TMEM9: variants seen among roughly 807,000 people sequenced by gnomAD.
The protein encoded by TMEM9 is proton-transporting V-type ATPase complex assembly regulator TMEM9.
In TMEM9, 13 loss-of-function variants were observed where a neutral mutation model predicts 22.8. That is an observed-to-expected ratio of 0.57 (90% confidence interval 0.37 to 0.91). The LOEUF is 0.91. Among genes scored for constraint, TMEM9 ranks in the 40% least tolerant of loss-of-function variants. The pLI is 0.01. For missense variants in TMEM9, 182 were observed against 238.1 expected (o/e 0.76, Z 1.55); for synonymous variants, 88 against 93.0 (o/e 0.95, Z 0.31).
chr1:201,165,856 C>T (rs1485165194), intron 1 of TMEM9, among the ~76,000 whole-genome samples: 2 of 152,108 alleles, frequency 1.3e-5, no homozygotes, highest in African/African-American at 4.8e-5. Context: ...GCATGGAGTC[C>T]TAATTAGGGA....
chr1:201,156,084 G>C (rs576834414), upstream of TMEM9, among the ~76,000 whole-genome samples: 18 of 152,186 alleles, frequency 1.2e-4, no homozygotes, highest in Non-Finnish European at 2.2e-4. Context: ...AAAAGCATGG[G>C]GCTGAGTCTG....
chr1:201,157,739 G>T (rs553392920), upstream of TMEM9, among the ~76,000 whole-genome samples: 1 of 152,306 alleles, frequency 6.6e-6, no homozygotes, highest in East Asian at 1.9e-4. Flanking sequence ...GACAATTCAG[G>T]GTGGTAAGAG....
intron 4 of TMEM9, among the ~76,000 whole-genome samples, chr1:201,141,811 G>A (rs570925847): frequency 1.3e-5 from 2 of 152,246 alleles, no homozygotes; most frequent in Admixed American, 6.5e-5. Context: ...GGGGGTAAGA[G>A]AGACCTGGGT....
chr1:201,135,820 AGTGGG>A lies in TMEM9; in HGVS notation c.400-10_400-6del, dbSNP rs1227789114. On this transcript the variant is annotated splice_polypyrimidine_tract_variant and splice_region_variant and intron_variant, in intron 4 of 4. Coordinates refer to ENST00000367330, the MANE Select transcript of TMEM9 (RefSeq NM_001288565.2). ...TGCTGCCATAGAGCGAGCATCCTGT[AGTGGG>A]AAGAAAAAAAGAGAAGATCTGGCAC... 7 of 1,589,674 alleles carry A rather than the reference AGTGGG, an allele frequency of 4.4e-6. No individual in the cohort carries two copies. Among genetic ancestry groups the A allele is most frequent in the Admixed American group, 3.6e-5 (2 of 55,446 alleles).
At chr1:201,146,980 C>A (rs916942283) in intron 2 of TMEM9, 132 bp from the exon 3 acceptor site, 26 of 734,224 alleles carry the variant, frequency 3.5e-5, no homozygotes, top group African/African-American at 3.5e-4. Flanking sequence ...CCAGAGAGGG[C>A]CAAGGGCTTA....
At chr1:201,139,090 C>A (rs1177642017) in intron 4 of TMEM9, among the ~76,000 whole-genome samples, 4 of 152,214 alleles carry the variant, frequency 2.6e-5, no homozygotes, top group Non-Finnish European at 5.9e-5. Flanking sequence ...GCCCTTCAGG[C>A]CGTCCCAGAT....
chr1:201,142,256 C>T (rs992171121), intron 4 of TMEM9, among the ~76,000 whole-genome samples: 1 of 152,200 alleles, frequency 6.6e-6, no homozygotes, highest in Non-Finnish European at 1.5e-5. Context: ...ACACAGCCCT[C>T]GAGAGCAGCC....
chr1:201,150,275 G>T (rs1665318855), intron 2 of TMEM9, among the ~76,000 whole-genome samples: 1 of 152,204 alleles, frequency 6.6e-6, no homozygotes, highest in South Asian at 2.1e-4. Flanking sequence ...TAAGTAGAAG[G>T]CTAGTGCTTC....
At chr1:201,155,391 A>T (rs1665757454), upstream of TMEM9, among the ~76,000 whole-genome samples, 1 of 152,158 alleles carries the variant, frequency 6.6e-6, no homozygotes, top group Admixed American at 6.5e-5. Flanking sequence ...GGATTAGCAT[A>T]GGGGCTGGGT....
At position 201,142,296 on chromosome 1, in the gene TMEM9, C is replaced by T. The variant is rs140867480; in HGVS notation, c.399+1524G>A. ...TCCCTCCCTGATCTGCCCTTCTCTTCGCTGTTCATGCTGGCCCAGACCCAC... is the reference window on the plus strand; with the variant it reads ...TCCCTCCCTGATCTGCCCTTCTCTTTGCTGTTCATGCTGGCCCAGACCCAC... On this transcript the variant is annotated intron_variant, in intron 4 of 4. Transcript: ENST00000367330. 3.9e-3 allele frequency among the ~76,000 whole-genome samples: 594 copies of T among 152,342 alleles called. 3 individuals carry two copies. Among genetic ancestry groups the T allele is most frequent in the Middle Eastern group, 0.014 (4 of 294 alleles).
intron 4 of TMEM9, among the ~76,000 whole-genome samples, chr1:201,136,646 C>T (rs568381447): frequency 2.6e-5 from 4 of 152,316 alleles, no homozygotes; most frequent in African/African-American, 9.6e-5. Context: ...AGAACTGTTG[C>T]TGCCGTCAAA....
At chr1:201,158,178 G>A (rs566236248), upstream of TMEM9, among the ~76,000 whole-genome samples, 37 of 152,278 alleles carry the variant, frequency 2.4e-4, no homozygotes, top group African/African-American at 8.9e-4. Flanking sequence ...GCTGGTCAAG[G>A]CCAGCCAATG....
chr1:201,136,771 C>A (rs751679097), intron 4 of TMEM9, among the ~76,000 whole-genome samples: 8 of 152,212 alleles, frequency 5.3e-5, no homozygotes, highest in Non-Finnish European at 1.0e-4. Context: ...CAGGCCCACA[C>A]CCCCGTGGGG....
At chr1:201,153,789 G>A (rs1363992886) in intron 1 of TMEM9, 69 bp downstream of exon 1, 2 of 1,604,956 alleles carry the variant, frequency 1.2e-6, no homozygotes, top group Non-Finnish European at 1.7e-6. Flanking sequence ...CTACCTCTGA[G>A]TCAGCCCTGT....
chr1:201,160,224 C>T (rs1229547465), intron 1 of TMEM9, among the ~76,000 whole-genome samples: 2 of 152,224 alleles, frequency 1.3e-5, no homozygotes, highest in Admixed American at 1.3e-4. Flanking sequence ...CCTCAGTTTC[C>T]CCCTGAAAAG....
chr1:201,168,002 T>C (rs1666118794), intron 1 of TMEM9, among the ~76,000 whole-genome samples: 1 of 152,232 alleles, frequency 6.6e-6, no homozygotes, highest in Non-Finnish European at 1.5e-5. Context: ...CTTCCTGTAA[T>C]TAAATCATAC....
chr1:201,155,706 T>C (rs3753968), upstream of TMEM9, among the ~76,000 whole-genome samples: 7 of 152,294 alleles, frequency 4.6e-5, no homozygotes, highest in East Asian at 1.3e-3. Context: ...TTCCTAGTTG[T>C]GTGAATTTGG....
At chr1:201,140,376 A>G (rs1043260089) in intron 4 of TMEM9, among the ~76,000 whole-genome samples, 1 of 152,226 alleles carries the variant, frequency 6.6e-6, no homozygotes, top group Non-Finnish European at 1.5e-5. Flanking sequence ...CCCAGCAAAC[A>G]TGCTTGCTTC....
upstream of TMEM9, among the ~76,000 whole-genome samples, chr1:201,157,273 T>C (rs1018137931): frequency 6.6e-6 from 1 of 152,150 alleles, no homozygotes; most frequent in Admixed American, 6.5e-5. Context: ...CAATCTTTAT[T>C]ATGCAGGTGG....
Sources: allele counts gnomAD v4.1 joint callset (sites outside exome capture counted in the v4.1 genomes callset), GRCh38; gene constraint gnomAD v4.1.1; transcripts MANE v1.5; gene names NCBI Gene and HGNC (gene_info 2026-07-23, HGNC 2026-07-21).